Variants in C17orf78 observed in about 807,000 individuals in gnomAD.
C17orf78 encodes the protein uncharacterized protein C17orf78.
In C17orf78, 27 loss-of-function variants were observed where a neutral mutation model predicts 31.8. The observed-to-expected ratio is 0.85, with a 90% CI of 0.63 to 1.17. The LOEUF is 1.17. Among genes scored for constraint, C17orf78 ranks in the 50% most tolerant of loss-of-function variants. C17orf78 has a pLI of 0.00. For missense variants in C17orf78, 258 were observed against 315.2 expected, an observed-to-expected ratio of 0.82 and a Z score of 1.37; for synonymous variants, 106 against 115.1, an observed-to-expected ratio of 0.92 and a Z score of 0.51.
intron 3 of C17orf78, among the ~76,000 whole-genome samples, chr17:37,381,691 G>C (rs577226540): frequency 6.9e-6 from 1 of 145,616 alleles, no homozygotes; most frequent in Non-Finnish European, 1.5e-5. Context: ...GCAGTGGTGC[G>C]ATCTCAGCTC....
intron 6 of C17orf78, among the ~76,000 whole-genome samples, chr17:37,391,412 C>T (rs1011950645): frequency 1.7e-4 from 26 of 152,122 alleles, no homozygotes; most frequent in Admixed American, 3.3e-4. Flanking sequence ...GAACTATGAT[C>T]CAGATCTTTT....
chr17:37,388,596 T>G (rs1288678089), intron 4 of C17orf78, 74 bp from the exon 5 acceptor site: 2 of 1,506,830 alleles, frequency 1.3e-6, no homozygotes, highest in East Asian at 4.7e-5. Flanking sequence ...CAGAAGAACT[T>G]CAGGTCAAAG....
chr17:37,389,991 T>C (rs946683049), intron 6 of C17orf78, among the ~76,000 whole-genome samples: 2 of 148,184 alleles, frequency 1.3e-5, no homozygotes, highest in African/African-American at 5.0e-5. Context: ...AATCTTACTT[T>C]TAAGATTTTT....
rs772062671 is a variant in C17orf78, at chr17:37,391,621, C to T, written c.751-26C>T. 9 of 1,603,380 alleles carry T rather than the reference C, an allele frequency of 5.6e-6. No homozygotes were observed. The African/African-American group carries it at 1.2e-4, about 21-fold the overall frequency. On this transcript the variant is annotated intron_variant, in intron 6 of 6. Coordinates refer to ENST00000615133, the MANE Select transcript of C17orf78 (RefSeq NM_173625.5). ...ACTATACACTTGCATCCTTTTTTAACTTTCATATTTCCTTTCAATCTCTAG... is the reference window on the plus strand; with the variant it reads ...ACTATACACTTGCATCCTTTTTTAATTTTCATATTTCCTTTCAATCTCTAG...
intron 3 of C17orf78, among the ~76,000 whole-genome samples, chr17:37,381,337 C>G (rs2050248528): frequency 6.6e-6 from 1 of 151,898 alleles, no homozygotes; most frequent in Non-Finnish European, 1.5e-5. Flanking sequence ...AGGTGCCCAC[C>G]ACCACACCCA....
At chr17:37,382,588 G>A (rs2050344170) in intron 3 of C17orf78, among the ~76,000 whole-genome samples, 1 of 152,116 alleles carries the variant, frequency 6.6e-6, no homozygotes, top group Non-Finnish European at 1.5e-5. Context: ...AGCGTCAGGT[G>A]CGGTGGCTCA....
chr17:37,381,626 C>CT (rs550853752), intron 3 of C17orf78, among the ~76,000 whole-genome samples: 5,859 of 125,846 alleles, frequency 0.047, 360 homozygotes, highest in Admixed American at 0.11. Context: ...CTTCCATAGT[C>CT]TTTTTTTTTT....
At chr17:37,383,696 C>A (rs2050402014) in intron 3 of C17orf78, among the ~76,000 whole-genome samples, 1 of 152,166 alleles carries the variant, frequency 6.6e-6, no homozygotes, top group Non-Finnish European at 1.5e-5. Flanking sequence ...TACAGCACCA[C>A]CATGCCCAGC....
intron 2 of C17orf78, 101 bp from the exon 3 acceptor site, chr17:37,379,036 C>CA: frequency 7.3e-7 from 1 of 1,364,074 alleles, no homozygotes; most frequent in African/African-American, 1.5e-5. Flanking sequence ...TGCGACACTG[C>CA]ACTCCAGCTT....
intron 6 of C17orf78, among the ~76,000 whole-genome samples, chr17:37,390,271 A>ATACATAATT (rs1285790911): frequency 7.6e-4 from 39 of 51,020 alleles, no homozygotes; most frequent in Non-Finnish European, 1.1e-3. Flanking sequence ...AATTATATAT[A>ATACATAATT]ATATATTATA....
chr17:37,379,476 A>C, intron 3 of C17orf78, 94 bp downstream of exon 3: 1 of 1,429,462 alleles, frequency 7.0e-7, no homozygotes, highest in Non-Finnish European at 9.4e-7. Flanking sequence ...GCTACAAGAA[A>C]ATGAATTATC....
At position 37,389,326 on chromosome 17, in the gene C17orf78, G is replaced by A; in HGVS notation, c.714G>A (p.Gly238=). 2 of 1,594,526 alleles carry A rather than the reference G, an allele frequency of 1.3e-6. No individual in the cohort carries two copies. Among genetic ancestry groups the A allele is most frequent in the Admixed American group, 3.5e-5 (2 of 56,946 alleles). The change falls in exon 6 of 7, where the codon GGG becomes GGA. Residue 238 remains glycine (G), a synonymous_variant. Transcript: ENST00000615133. ...RWQKKGGQPP[G]TAESKPDSQP... Reference sequence around the variant, plus strand: ...AAAAGAAGGGAGGCCAGCCACCTGGGACAGCTGAATCCAAGCCTGACTCTC... The same window carrying A: ...AAAAGAAGGGAGGCCAGCCACCTGGAACAGCTGAATCCAAGCCTGACTCTC...
At position 37,390,140 on chromosome 17, in the gene C17orf78, GTATATATATATATA is replaced by G. The variant is rs1243535532; in HGVS notation, c.750+801_750+814del. Among the ~76,000 whole-genome samples, 79 of 34,630 alleles carry G rather than the reference GTATATATATATATA, an allele frequency of 2.3e-3. 4 individuals carry two copies. The highest frequency in any genetic ancestry group is 0.031 in the Middle Eastern group (1 of 32). The allele number at this position is 34,630 out of a possible 152,430, so 22.7% of individuals were successfully genotyped here. ...GACACTGTCTCTATTAAAAAAAAAA[GTATATATATATATA>G]TATATATATATATATATATATACAC... is the stretch of plus-strand genomic sequence containing the variant. On this transcript the variant is annotated intron_variant, in intron 6 of 6. Coordinates refer to ENST00000615133, the MANE Select transcript of C17orf78 (RefSeq NM_173625.5).
chr17:37,389,463 G>A, intron 6 of C17orf78, 101 bp downstream of exon 6: 1 of 1,446,586 alleles, frequency 6.9e-7, no homozygotes, highest in Non-Finnish European at 9.2e-7. Context: ...TTGAGAGGCT[G>A]AGGCAGGTGG....
chr17:37,378,917 C>T (rs751255116), intron 2 of C17orf78, among the ~76,000 whole-genome samples: 4 of 151,894 alleles, frequency 2.6e-5, no homozygotes, highest in Non-Finnish European at 5.9e-5. Flanking sequence ...AAAAATTAGC[C>T]GAGCAAAGTG....
At chr17:37,390,203 ATAATTATATATT>A (rs2050751054) in intron 6 of C17orf78, among the ~76,000 whole-genome samples, 1 of 83,968 alleles carries the variant, frequency 1.2e-5, no homozygotes, top group East Asian at 3.1e-4. Context: ...ATAAATATAT[ATAATTATATATT>A]TATTATATAT....
At chr17:37,388,245 A>G (rs927653379) in intron 4 of C17orf78, among the ~76,000 whole-genome samples, 4 of 152,154 alleles carry the variant, frequency 2.6e-5, no homozygotes, top group Non-Finnish European at 5.9e-5. Context: ...CTTATATTCT[A>G]TGAAAGCCAG....
intron 3 of C17orf78, among the ~76,000 whole-genome samples, chr17:37,382,928 T>C (rs1217390152): frequency 1.3e-5 from 2 of 152,024 alleles, no homozygotes; most frequent in Non-Finnish European, 2.9e-5. Flanking sequence ...TCCCAGCTAC[T>C]CGGGAGGCTG....
intron 6 of C17orf78, among the ~76,000 whole-genome samples, chr17:37,390,330 A>ATATATATCTATATATATC (rs1386032855): frequency 2.4e-5 from 1 of 41,592 alleles, no homozygotes; most frequent in African/African-American, 1.3e-4. Context: ...ATATATATAT[A>ATATATATCTATATATATC]TATAAAAGGC....
Sources: allele counts gnomAD v4.1 joint callset (sites outside exome capture counted in the v4.1 genomes callset), GRCh38; gene constraint gnomAD v4.1.1; transcripts MANE v1.5; gene names NCBI Gene and HGNC (gene_info 2026-07-23, HGNC 2026-07-21).